Variants in TMEM150B observed in about 807,000 individuals in gnomAD.
TMEM150B encodes transmembrane protein 150B, also known as modulator of macroautophagy TMEM150B.
Under a neutral mutation model 25.2 loss-of-function variants are expected in TMEM150B, and 33 were observed. That is an observed-to-expected ratio of 1.31 (90% CI 0.99 to 1.75). The LOEUF (loss-of-function observed/expected upper bound fraction) is 1.75, where lower values mean the gene tolerates loss of function less well. Among genes scored for constraint, TMEM150B ranks in the 40% most tolerant of loss-of-function variants. The pLI is 0.00. For missense variants in TMEM150B, 322 were observed against 306.1 expected, an observed-to-expected ratio of 1.05 and a Z score of -0.39; for synonymous variants, 133 against 134.8, an observed-to-expected ratio of 0.99 and a Z score of 0.09.
At chr19:55,315,631 G>A (rs933402150) in intron 7 of TMEM150B, among the ~76,000 whole-genome samples, 8 of 151,784 alleles carry the variant, frequency 5.3e-5, no homozygotes, top group African/African-American at 1.9e-4. Flanking sequence ...CATGGTGGCT[G>A]GCGCCTGTAG....
At chr19:55,311,206 C>T (rs929392042), downstream of TMEM150B, among the ~76,000 whole-genome samples, 5 of 152,302 alleles carry the variant, frequency 3.3e-5, no homozygotes, top group South Asian at 2.1e-4. Context: ...AAGTGATCTG[C>T]CTGCCTCAGC....
intron 2 of TMEM150B, 38 bp downstream of exon 2, chr19:55,322,610 G>T: frequency 1.0e-6 from 1 of 954,448 alleles, no homozygotes. Flanking sequence ...GCCCCTCCGT[G>T]CACCTCCCAG....
At chr19:55,319,500 C>T (rs1182351837) in intron 6 of TMEM150B, 1 of 123,948 alleles carries the variant, frequency 8.1e-6, no homozygotes, top group African/African-American at 3.1e-5. Flanking sequence ...GGTTTGAGTG[C>T]AATGGCTCGA....
At chr19:55,319,479 C>T (rs1258429119) in intron 6 of TMEM150B, 6 of 112,316 alleles carry the variant, frequency 5.3e-5, no homozygotes, top group African/African-American at 2.1e-4. Flanking sequence ...AAGTCTCACT[C>T]TTATCCCCCA....
chr19:55,319,819 A>G (rs1051143169), intron 6 of TMEM150B: 1 of 1,380,694 alleles, frequency 7.2e-7, no homozygotes, highest in Non-Finnish European at 9.4e-7. Flanking sequence ...CCTGGAAGTC[A>G]ACGAAGTCCT....
intron 1 of TMEM150B, among the ~76,000 whole-genome samples, chr19:55,324,464 A>G (rs1276417591): frequency 1.3e-5 from 2 of 152,076 alleles, no homozygotes; most frequent in African/African-American, 4.8e-5. Flanking sequence ...CCTGGCCAAC[A>G]TAGTGAAACC....
downstream of TMEM150B, chr19:55,312,074 C>T (rs754843749): frequency 3.3e-5 from 46 of 1,410,764 alleles, no homozygotes; most frequent in South Asian, 5.2e-4. Flanking sequence ...CCTGACCCCA[C>T]GGGGCCGGGG....
intron 7 of TMEM150B, among the ~76,000 whole-genome samples, chr19:55,315,592 C>T (rs1475920855): frequency 6.6e-6 from 1 of 151,996 alleles, no homozygotes; most frequent in East Asian, 1.9e-4. Context: ...AAACCCTGTC[C>T]CTACTAAAAA....
chr19:55,319,828 C>A lies in TMEM150B; in HGVS notation c.324+211G>T, dbSNP rs2089141812. The A allele has an allele frequency of 4.3e-6, 6 of 1,404,518 alleles. 1 individual carries two copies. In the South Asian group the frequency reaches 9.4e-5, roughly 22 times the overall value. 87.0% of individuals were successfully genotyped at this position (1,404,518 alleles called of 1,614,324 possible). A position where few individuals can be genotyped will look rare whatever the true frequency, so the allele number is the denominator to read the frequency against. On this transcript the variant is annotated intron_variant, in intron 6 of 7. Transcript: ENST00000326652. ...CAACGTCCTGGAAGTCAACGAAGTC[C>A]TACATACAAACAGCCTCGCTCGTAG...
At chr19:55,320,533 A>C in intron 4 of TMEM150B, 25 bp downstream of exon 4, 1 of 1,613,902 alleles carries the variant, frequency 6.2e-7, no homozygotes, top group Non-Finnish European at 8.5e-7. Flanking sequence ...GATCCCCCCA[A>C]ATCCCTACCC....
At chr19:55,319,018 G>A (rs533548672) in intron 6 of TMEM150B, among the ~76,000 whole-genome samples, 3 of 152,154 alleles carry the variant, frequency 2.0e-5, no homozygotes, top group African/African-American at 7.2e-5. Flanking sequence ...TGTTGTCCAG[G>A]CTGGTCTTGA....
downstream of TMEM150B, chr19:55,312,022 C>T (rs201200452): frequency 3.2e-4 from 483 of 1,509,972 alleles, 2 homozygotes; most frequent in African/African-American, 6.1e-3. Flanking sequence ...CGAGGCCCCC[C>T]CAAGGACAAG....
At chr19:55,319,828 C>T in intron 6 of TMEM150B, 1 of 1,404,518 alleles carries the variant, frequency 7.1e-7, no homozygotes, top group South Asian at 1.6e-5. Flanking sequence ...CAACGAAGTC[C>T]TACATACAAA....
chr19:55,324,791 C>A (rs1017068083), intron 1 of TMEM150B: 2 of 985,360 alleles, frequency 2.0e-6, no homozygotes, highest in African/African-American at 3.5e-5. Context: ...TTCCTCCTTT[C>A]GCTTCTTTTT....
At chr19:55,319,093 CCTCA>C (rs950181855) in intron 6 of TMEM150B, among the ~76,000 whole-genome samples, 13 of 151,916 alleles carry the variant, frequency 8.6e-5, no homozygotes, top group African/African-American at 2.4e-4. Context: ...CTGTGCCCAG[CCTCA>C]CTAATTTCTT....
At position 55,320,584 on chromosome 19, in the gene TMEM150B, G is replaced by T. The variant is rs1348792669; in HGVS notation, c.102C>A (p.Asp34Glu). 1.2e-6 allele frequency: 2 copies of T among 1,613,746 alleles called. No individual in the cohort carries two copies. The highest frequency in any genetic ancestry group is 1.7e-5 in the Admixed American group (1 of 59,972). Reference protein sequence around the residue: ...FAIAVTNRTVDLSKGFPYISI... With the variant: ...FAIAVTNRTVELSKGFPYISI... ...TGATGTAGGGAAAGCCTTTACTGAGGTCCACAGTCCTGTTGGTCACTGCAA... is the reference window on the plus strand; with the variant it reads ...TGATGTAGGGAAAGCCTTTACTGAGTTCCACAGTCCTGTTGGTCACTGCAA... Residue 34 changes from aspartate (D) to glutamate (E), a missense_variant, in exon 4 of 8, where the codon GAC becomes GAA. Asp to Glu is a conservative substitution (Grantham distance 45). Coordinates refer to ENST00000326652, the MANE Select transcript of TMEM150B (RefSeq NM_001282011.2).
Position 55,320,181 on chromosome 19 carries a change from G to T in TMEM150B, c.197-15C>A. On this transcript the variant is annotated splice_polypyrimidine_tract_variant and intron_variant, in intron 5 of 7. Coordinates refer to ENST00000326652, the MANE Select transcript of TMEM150B (RefSeq NM_001282011.2). Reference sequence around the variant, plus strand: ...GATCCACGCGGCTGGGAGTAGAGGGGAGAAGGAAGTGGGAGGGAGACCCAC... The same window carrying T: ...GATCCACGCGGCTGGGAGTAGAGGGTAGAAGGAAGTGGGAGGGAGACCCAC... 1 of 1,612,890 alleles carries T rather than the reference G, an allele frequency of 6.2e-7. No individual in the cohort carries two copies.
chr19:55,318,187 C>A (rs1275213380), intron 6 of TMEM150B, among the ~76,000 whole-genome samples: 1 of 151,880 alleles, frequency 6.6e-6, no homozygotes, highest in Non-Finnish European at 1.5e-5. Flanking sequence ...ATGGTGAAAC[C>A]TTATCTCTAC....
intron 6 of TMEM150B, 155 bp downstream of exon 6, chr19:55,319,884 C>T: frequency 1.4e-6 from 2 of 1,446,104 alleles, no homozygotes; most frequent in Non-Finnish European, 9.1e-7. Context: ...GGAATCCAGC[C>T]GGTCCAAGGC....
Sources: allele counts gnomAD v4.1 joint callset (sites outside exome capture counted in the v4.1 genomes callset), GRCh38; gene constraint gnomAD v4.1.1; transcripts MANE v1.5; gene names NCBI Gene and HGNC (gene_info 2026-07-23, HGNC 2026-07-21).